Variants in LAMC1 observed in about 807,000 individuals in gnomAD.
The protein encoded by LAMC1 is laminin subunit gamma-1.
A neutral mutation model predicts 173.6 loss-of-function variants in LAMC1; 38 were observed. The ratio of observed to expected loss-of-function variants is 0.22; its 90% confidence interval spans 0.17 to 0.29. LAMC1 has a LOEUF of 0.29. Ranked by LOEUF, LAMC1 falls within the 10% of genes least tolerant of loss-of-function variation. LAMC1 has a pLI of 1.00. For missense variants in LAMC1, 1,824 were observed against 2,051.8 expected (o/e 0.89, Z 2.14); for synonymous variants, 746 against 749.1 (o/e 1.00, Z 0.07).
intron 4 of LAMC1, among the ~76,000 whole-genome samples, chr1:183,113,640 G>A (rs1300544511): frequency 6.6e-5 from 10 of 152,236 alleles, no homozygotes; most frequent in African/African-American, 2.2e-4. Context: ...CCCTGTACAT[G>A]GATGTTTCTG....
rs955595988 is a variant in LAMC1, at chr1:183,138,069, C to T, written c.4473+242C>T. ...CAGTTAAAAGTAAAACATTGCTTTACACGTTTGAGGTTTTAGGACATTAAA... is the reference window on the plus strand; with the variant it reads ...CAGTTAAAAGTAAAACATTGCTTTATACGTTTGAGGTTTTAGGACATTAAA... On this transcript the variant is annotated intron_variant, in intron 26 of 27. Coordinates refer to ENST00000258341, the MANE Select transcript of LAMC1 (RefSeq NM_002293.4). 20 of 304,684 alleles carry T rather than the reference C, an allele frequency of 6.6e-5. No homozygotes were observed. In the Admixed American group the frequency reaches 1.2e-3, roughly 18 times the overall value. 18.9% of individuals were successfully genotyped at this position (304,684 alleles called of 1,614,324 possible).
intron 26 of LAMC1, 113 bp from the exon 27 acceptor site, chr1:183,140,291 G>T: frequency 7.2e-5 from 18 of 250,454 alleles, no homozygotes; most frequent in East Asian, 1.2e-4. Flanking sequence ...AATTTCCTAA[G>T]TTAGAAAAGG....
At chr1:183,062,790 A>G (rs970914938) in intron 1 of LAMC1, among the ~76,000 whole-genome samples, 2 of 152,052 alleles carry the variant, frequency 1.3e-5, no homozygotes, top group Non-Finnish European at 2.9e-5. Context: ...CATCTCTACT[A>G]AAAACACAAA....
intron 2 of LAMC1, among the ~76,000 whole-genome samples, chr1:183,104,525 A>G (rs575102855): frequency 6.6e-6 from 1 of 152,358 alleles, no homozygotes; most frequent in African/African-American, 2.4e-5. Flanking sequence ...CTGAAACAAG[A>G]AAGTCTGATA....
At chr1:183,079,108 TAGAC>T (rs34823124) in intron 1 of LAMC1, among the ~76,000 whole-genome samples, 17,746 of 152,060 alleles carry the variant, frequency 0.12, 1,156 homozygotes, top group Admixed American at 0.2. Context: ...ACATTATTTT[TAGAC>T]AGAACCATTG....
intron 1 of LAMC1, among the ~76,000 whole-genome samples, chr1:183,067,466 A>G (rs997048164): frequency 5.3e-5 from 8 of 152,024 alleles, no homozygotes; most frequent in Non-Finnish European, 7.4e-5. Flanking sequence ...ATAGATATAC[A>G]TATATATTTT....
At chr1:183,099,855 G>A (rs1442018019) in intron 1 of LAMC1, among the ~76,000 whole-genome samples, 1 of 152,080 alleles carries the variant, frequency 6.6e-6, no homozygotes, top group Non-Finnish European at 1.5e-5. Flanking sequence ...CTGACCTGCA[G>A]GCATCCCAGA....
rs1474772257 is a variant in LAMC1, at chr1:183,122,077, A to G, written c.2227A>G (p.Arg743Gly). The change falls in exon 13 of 28, where the codon AGA (arginine) becomes GGA (glycine). Residue 743 changes from arginine (R) to glycine (G), a missense_variant. Arg to Gly is a moderately radical substitution (Grantham distance 125). Coordinates refer to ENST00000258341, the MANE Select transcript of LAMC1 (RefSeq NM_002293.4). ...CTTCCAAATAGGTGTTTGTAACTGC[A>G]GAGACAATACGGCTGGCCCGCACTG... ...CDPETGVCNCRDNTAGPHCEK... is the reference protein window; with the variant it reads ...CDPETGVCNCGDNTAGPHCEK... The G allele has an allele frequency of 1.2e-6, 2 of 1,613,676 alleles. No individual in the cohort carries two copies. The highest frequency in any genetic ancestry group is 1.7e-5 in the Admixed American group (1 of 60,002).
At position 183,117,697 on chromosome 1, in the gene LAMC1, T is replaced by C. The variant is rs1257534929; in HGVS notation, c.1851T>C (p.Ser617=). 1.2e-6 allele frequency: 2 copies of C among 1,614,188 alleles called. No individual in the cohort carries two copies. The highest frequency in any genetic ancestry group is 1.7e-6 in the Non-Finnish European group (2 of 1,180,008). ...PLIAQGNSYP[S]ETTVKYVFRL... ...TCGCTCAGGGCAATTCCTATCCAAG[T>C]GAGACCACTGTGAAGTATGTCTTCA... Residue 617 remains serine (S), a synonymous_variant, in exon 10 of 28, where the codon AGT becomes AGC. Transcript: ENST00000258341.
rs1655886190 is a variant in LAMC1 at position 183,103,451 on chromosome 1, C to G, written c.542C>G (p.Ser181Cys). The G allele has an allele frequency of 6.2e-7, 1 of 1,614,162 alleles. No individual in the cohort carries two copies. Among genetic ancestry groups the G allele is most frequent in the African/African-American group, 1.3e-5 (1 of 75,040 alleles). Residue 181 changes from serine to cysteine, a missense_variant, in exon 2 of 28, where the codon TCC becomes TGC. Coordinates refer to ENST00000258341, the MANE Select transcript of LAMC1 (RefSeq NM_002293.4). ...PWIPYQYYSG[S>C]CENTYSKANR... ...ATTCCTTACCAGTACTACAGTGGTT[C>G]CTGTGAGAACACCTACTCCAAGGCA...
At chr1:183,133,653 G>A (rs1656861771) in intron 22 of LAMC1, 103 bp downstream of exon 22, 1 of 1,159,228 alleles carries the variant, frequency 8.6e-7, no homozygotes, top group African/African-American at 1.5e-5. Context: ...CTGACTCGCT[G>A]GTAAAGTTGA....
chr1:183,068,040 A>G (rs1276909485), intron 1 of LAMC1, among the ~76,000 whole-genome samples: 3 of 152,200 alleles, frequency 2.0e-5, no homozygotes, highest in Non-Finnish European at 4.4e-5. Flanking sequence ...CCAAAGCATA[A>G]TGGGAGTTGA....
At chr1:183,099,931 A>G (rs1571439199) in intron 1 of LAMC1, among the ~76,000 whole-genome samples, 1 of 152,146 alleles carries the variant, frequency 6.6e-6, no homozygotes, top group East Asian at 1.9e-4. Context: ...AGTCCTGCCC[A>G]CGCTTCTCTG....
At position 183,144,480 on chromosome 1, in the gene LAMC1, G is replaced by A. The variant is rs542780049; in HGVS notation, c.*1690G>A. ...TGTACTCCAAAGAATTGTGCCTTGT[G>A]TTTGCAGCATCTCCATTCTCTAAAA... On this transcript the variant is annotated 3_prime_UTR_variant, in exon 28 of 28. Transcript: ENST00000258341. 9 of 152,448 alleles carry A rather than the reference G, an allele frequency of 5.9e-5. No individual in the cohort carries two copies. Among genetic ancestry groups the A allele is most frequent in the Non-Finnish European group, 1.2e-4 (8 of 68,020 alleles). 9.4% of individuals were successfully genotyped at this position (152,448 alleles called of 1,614,324 possible).
intron 1 of LAMC1, among the ~76,000 whole-genome samples, chr1:183,092,603 C>T (rs1024866965): frequency 6.6e-6 from 1 of 152,152 alleles, no homozygotes; most frequent in Non-Finnish European, 1.5e-5. Flanking sequence ...AGACATAGAC[C>T]TGGGCTGGCT....
At chr1:183,043,080 T>C (rs1364459998) in intron 1 of LAMC1, among the ~76,000 whole-genome samples, 1 of 152,208 alleles carries the variant, frequency 6.6e-6, no homozygotes, top group East Asian at 1.9e-4. Context: ...TCTTCTTAAA[T>C]GTATATTTAT....
intron 1 of LAMC1, among the ~76,000 whole-genome samples, chr1:183,029,264 C>T (rs1270792025): frequency 6.6e-6 from 1 of 152,174 alleles, no homozygotes; most frequent in African/African-American, 2.4e-5. Flanking sequence ...GCTTATCTTT[C>T]TCTCCGTCCT....
chr1:183,039,658 A>C (rs1365569101), intron 1 of LAMC1, among the ~76,000 whole-genome samples: 2 of 152,150 alleles, frequency 1.3e-5, no homozygotes, highest in Non-Finnish European at 2.9e-5. Context: ...TCAGTTTTGT[A>C]GGCATTCTAA....
chr1:183,093,303 A>G (rs1655611394), intron 1 of LAMC1, among the ~76,000 whole-genome samples: 1 of 152,202 alleles, frequency 6.6e-6, no homozygotes, highest in South Asian at 2.1e-4. Flanking sequence ...CCAGTAGCCA[A>G]TGCTCAGTCT....
Sources: allele counts gnomAD v4.1 joint callset (sites outside exome capture counted in the v4.1 genomes callset), GRCh38; gene constraint gnomAD v4.1.1; transcripts MANE v1.5; gene names NCBI Gene and HGNC (gene_info 2026-07-23, HGNC 2026-07-21).